Variants in BDP1 observed in about 807,000 individuals in gnomAD.
The protein encoded by BDP1 is BDP1 general transcription factor IIIB subunit, also known as transcription factor TFIIIB component B'' homolog.
Under a neutral mutation model 266.6 loss-of-function variants are expected in BDP1, and 169 were observed. That is an observed-to-expected ratio of 0.63 (90% CI 0.56 to 0.72). The LOEUF (loss-of-function observed/expected upper bound fraction) is 0.72, where lower values mean the gene tolerates loss of function less well. Ranked by LOEUF, BDP1 falls within the 30% of genes least tolerant of loss-of-function variation. The pLI is 0.00. For synonymous variants in BDP1, 1,090 were observed against 1,022.4 expected (o/e 1.07, Z -1.26); for missense variants, 3,015 against 3,053.8 (o/e 0.99, Z 0.30).
intron 32 of BDP1, chr5:71,545,580 G>A (rs185837854): frequency 1.3e-5 from 3 of 232,702 alleles, no homozygotes; most frequent in African/African-American, 2.3e-5. Context: ...ATCCACCTGC[G>A]TTGGCCTCCA....
chr5:71,525,969 T>C (rs13161017), intron 25 of BDP1, among the ~76,000 whole-genome samples: 4 of 139,616 alleles, frequency 2.9e-5, no homozygotes, highest in African/African-American at 1.1e-4. Flanking sequence ...GCAGCCAGGC[T>C]GAGAGGCTCC....
At chr5:71,461,959 T>C in intron 3 of BDP1, 33 bp downstream of exon 3, 6 of 202,508 alleles carry the variant, frequency 3.0e-5, no homozygotes, top group Non-Finnish European at 4.8e-5. Flanking sequence ...TTACTATCTC[T>C]TTTTTTTTTT....
At chr5:71,544,904 A>T (rs72759443) in intron 31 of BDP1, 135 bp from the exon 32 acceptor site, 2 of 442,324 alleles carry the variant, frequency 4.5e-6, no homozygotes, top group Non-Finnish European at 7.6e-6. Flanking sequence ...AAAAAAAAAA[A>T]AAGTCCTATT....
chr5:71,472,365 G>A (rs368128199), intron 7 of BDP1, among the ~76,000 whole-genome samples: 2 of 152,242 alleles, frequency 1.3e-5, no homozygotes, highest in African/African-American at 4.8e-5. Flanking sequence ...GGAGGCTGAG[G>A]AAGGAGAATC....
rs1183696824 is a variant in BDP1, at chr5:71,467,389, G to A, written c.821G>A (p.Cys274Tyr). Reference sequence around the variant, plus strand: ...GAAGTTTTAAGAACAAAAGGCCCTTGTGTTGTTGAAGAAAATGACCCCATA... The same window carrying A: ...GAAGTTTTAAGAACAAAAGGCCCTTATGTTGTTGAAGAAAATGACCCCATA... Reference protein sequence around the residue: ...TVEVLRTKGPCVVEENDPIFE... With the variant: ...TVEVLRTKGPYVVEENDPIFE... The change falls in exon 6 of 39, where the codon TGT becomes TAT. Residue 274 changes from cysteine to tyrosine, a missense_variant. Around this residue, in one of 3 missense-constraint regions of BDP1, gnomAD observed 2,383 missense variants for 2,404.9 expected, o/e 0.99. Transcript: ENST00000358731. The A allele has an allele frequency of 1.2e-6, 2 of 1,609,782 alleles. No individual in the cohort carries two copies. The highest frequency in any genetic ancestry group is 1.7e-6 in the Non-Finnish European group (2 of 1,176,510).
chr5:71,485,466 G>A (rs1232360735), intron 8 of BDP1, among the ~76,000 whole-genome samples: 1 of 152,174 alleles, frequency 6.6e-6, no homozygotes, highest in Non-Finnish European at 1.5e-5. Context: ...CAGAACAAAT[G>A]AAGTCTGGGT....
intron 21 of BDP1, among the ~76,000 whole-genome samples, chr5:71,516,791 T>G (rs573035239): frequency 6.6e-6 from 1 of 152,254 alleles, no homozygotes; most frequent in East Asian, 1.9e-4. Flanking sequence ...GTCTAAGTAG[T>G]GTAATGTCTA....
In BDP1 at chr5:71,522,388, G is replaced by T; in HGVS notation, c.5091G>T (p.Glu1697Asp). 1 of 1,613,738 alleles carries T rather than the reference G, an allele frequency of 6.2e-7. No homozygotes were observed. The highest frequency in any genetic ancestry group is 1.1e-5 in the South Asian group (1 of 91,072). Reference protein sequence around the residue: ...PNLGRAHSKKEEPVLEKVTTD... With the variant: ...PNLGRAHSKKDEPVLEKVTTD... ...TGGGAAGAGCACACAGTAAGAAAGA[G>T]GAACCAGTTTTAGAAAAAGTCACAA... is the stretch of plus-strand genomic sequence containing the variant. Residue 1697 changes from glutamate (E) to aspartate (D), a missense_variant, in exon 23 of 39, where the codon GAG (glutamate) becomes GAT (aspartate). Glu to Asp is a conservative substitution (Grantham distance 45). Coordinates refer to ENST00000358731, the MANE Select transcript of BDP1 (RefSeq NM_018429.3).
At chr5:71,477,545 A>G (rs1762665355) in intron 7 of BDP1, among the ~76,000 whole-genome samples, 1 of 152,084 alleles carries the variant, frequency 6.6e-6, no homozygotes, top group Non-Finnish European at 1.5e-5. Flanking sequence ...CTAAATGATC[A>G]CAACTGATTA....
At chr5:71,526,305 G>C (rs1409265661) in intron 25 of BDP1, among the ~76,000 whole-genome samples, 2 of 145,304 alleles carry the variant, frequency 1.4e-5, no homozygotes, top group Non-Finnish European at 3.0e-5. Flanking sequence ...AGAGAAGCTA[G>C]AAGGGACATA....
intron 16 of BDP1, among the ~76,000 whole-genome samples, chr5:71,507,865 A>G (rs544042361): frequency 6.6e-6 from 1 of 152,382 alleles, no homozygotes; most frequent in African/African-American, 2.4e-5. Context: ...GACCTGTCTT[A>G]CAGTATCAAA....
At chr5:71,488,423 A>G (rs1437768139) in intron 9 of BDP1, among the ~76,000 whole-genome samples, 1 of 150,282 alleles carries the variant, frequency 6.7e-6, no homozygotes, top group African/African-American at 2.4e-5. Context: ...CACCACGCCC[A>G]GCCAGAACTT....
rs1393624976 is a variant in BDP1 at position 71,464,224 on chromosome 5, A to G, written c.659+107A>G. 5 of 695,674 alleles carry G rather than the reference A, an allele frequency of 7.2e-6. 1 individual carries two copies. The highest frequency in any genetic ancestry group is 6.7e-5 in the South Asian group (3 of 44,852). 43.1% of individuals were successfully genotyped at this position (695,674 alleles called of 1,614,324 possible). ...ATTACATTTGATTGGGGTTGGGCAC[A>G]GTGGTTCACTCCTGTAATCTCAGCA... On this transcript the variant is annotated intron_variant, in intron 4 of 38. Coordinates refer to ENST00000358731, the MANE Select transcript of BDP1 (RefSeq NM_018429.3).
At chr5:71,477,215 C>T (rs1434275243) in intron 7 of BDP1, among the ~76,000 whole-genome samples, 2 of 151,074 alleles carry the variant, frequency 1.3e-5, no homozygotes, top group Non-Finnish European at 3.0e-5. Flanking sequence ...TGGAGTGCAG[C>T]GGTGCAACCA....
chr5:71,506,769 T>C (rs1278097504), intron 16 of BDP1, among the ~76,000 whole-genome samples: 1 of 134,762 alleles, frequency 7.4e-6, no homozygotes, highest in Non-Finnish European at 1.6e-5. Context: ...TATATATATA[T>C]ATATATATAT....
chr5:71,495,151 G>A (rs1048343565), intron 11 of BDP1, 99 bp from the exon 12 acceptor site: 17 of 682,730 alleles, frequency 2.5e-5, no homozygotes, highest in Non-Finnish European at 3.7e-5. Flanking sequence ...GCAGCATCTT[G>A]CAAAATGGTG....
intron 10 of BDP1, among the ~76,000 whole-genome samples, chr5:71,490,231 A>AG (rs1258813790): frequency 6.6e-6 from 1 of 152,212 alleles, no homozygotes; most frequent in African/African-American, 2.4e-5. Flanking sequence ...CTGATAACCA[A>AG]GGAAAAGGTA....
chr5:71,518,646 G>A (rs755526858), intron 22 of BDP1, among the ~76,000 whole-genome samples: 1 of 151,868 alleles, frequency 6.6e-6, no homozygotes, highest in African/African-American at 2.4e-5. Context: ...TAGAGATGGG[G>A]TTTCACCATG....
At chr5:71,479,124 G>A (rs530150665) in intron 7 of BDP1, among the ~76,000 whole-genome samples, 4 of 151,896 alleles carry the variant, frequency 2.6e-5, no homozygotes, top group Admixed American at 2.0e-4. Flanking sequence ...CTCACTGCAA[G>A]CTCTGCCTCC....
Sources: allele counts gnomAD v4.1 joint callset (sites outside exome capture counted in the v4.1 genomes callset), GRCh38; gene constraint gnomAD v4.1.1; regional missense constraint gnomAD v4.1.1; transcripts MANE v1.5; gene names NCBI Gene and HGNC (gene_info 2026-07-23, HGNC 2026-07-21).